LRRC3B: variants seen among roughly 807,000 people sequenced by gnomAD.
LRRC3B encodes leucine rich repeat containing 3B.
In LRRC3B, 2 loss-of-function variants were observed where a neutral mutation model predicts 12.8. The ratio of observed to expected loss-of-function variants is 0.16; its 90% CI spans 0.06 to 0.49. The LOEUF is 0.49. Ranked by LOEUF, LRRC3B falls within the 20% of genes least tolerant of loss-of-function variation. LRRC3B has a pLI of 0.96. For missense variants in LRRC3B, 189 were observed against 319.4 expected, an observed-to-expected ratio of 0.59 and a Z score of 3.11; for synonymous variants, 132 against 122.0, an observed-to-expected ratio of 1.08 and a Z score of -0.54.
At chr3:26,671,011 CTTTTTTTT>C (rs762788262) in intron 1 of LRRC3B, among the ~76,000 whole-genome samples, 2 of 95,556 alleles carry the variant, frequency 2.1e-5, no homozygotes, top group South Asian at 4.2e-4. Flanking sequence ...TCTCATGTAT[CTTTTTTTT>C]TTTTTTTTTT....
chr3:26,688,266 G>T (rs781764879), intron 1 of LRRC3B, among the ~76,000 whole-genome samples: 4 of 152,152 alleles, frequency 2.6e-5, no homozygotes, highest in Non-Finnish European at 2.9e-5. Flanking sequence ...ACAGAGAAGA[G>T]CAGGCACACA....
At chr3:26,652,733 A>G (rs1266805111) in intron 1 of LRRC3B, among the ~76,000 whole-genome samples, 1 of 152,200 alleles carries the variant, frequency 6.6e-6, no homozygotes, top group Non-Finnish European at 1.5e-5. Context: ...CAGATGTTTT[A>G]GAGATTTCAA....
chr3:26,656,319 T>G (rs1370422480), intron 1 of LRRC3B, among the ~76,000 whole-genome samples: 1 of 152,174 alleles, frequency 6.6e-6, no homozygotes, highest in Non-Finnish European at 1.5e-5. Flanking sequence ...ATTTCTTGAT[T>G]ACATGATTGT....
intron 1 of LRRC3B, among the ~76,000 whole-genome samples, chr3:26,673,074 TGAAATAAATCTTAG>T (rs2125434204): frequency 6.6e-6 from 1 of 152,308 alleles, no homozygotes; most frequent in South Asian, 2.1e-4. Context: ...TGTTGCCACA[TGAAATAAATCTTAG>T]AAGTTACTCT....
chr3:26,696,629 C>CTTTG (rs1291132906), intron 1 of LRRC3B, among the ~76,000 whole-genome samples: 1 of 152,154 alleles, frequency 6.6e-6, no homozygotes, highest in Admixed American at 6.5e-5. Flanking sequence ...TTAGACTTGT[C>CTTTG]TTTGTTTGTA....
intron 1 of LRRC3B, among the ~76,000 whole-genome samples, chr3:26,649,425 A>G (rs529002008): frequency 6.6e-6 from 1 of 152,132 alleles, no homozygotes; most frequent in African/African-American, 2.4e-5. Context: ...GAAATACTTT[A>G]TCAAGGAAGC....
At chr3:26,692,973 A>G (rs567752481) in intron 1 of LRRC3B, among the ~76,000 whole-genome samples, 1 of 152,238 alleles carries the variant, frequency 6.6e-6, no homozygotes, top group African/African-American at 2.4e-5. Context: ...TCTCCTTTAT[A>G]TGGTTTCTTA....
intron 1 of LRRC3B, among the ~76,000 whole-genome samples, chr3:26,667,119 GA>G (rs368094321): frequency 0.028 from 2,849 of 101,446 alleles, 85 homozygotes; most frequent in African/African-American, 0.071. Context: ...TCACTTTCAA[GA>G]AAAAAAAAAA....
chr3:26,710,210 C>T, exon 2 of LRRC3B: 1 of 1,613,772 alleles, frequency 6.2e-7, no homozygotes. Flanking sequence ...GTTGGATGAA[C>T]ATGCTGGCAG....
chr3:26,685,283 C>T (rs568626398), intron 1 of LRRC3B, among the ~76,000 whole-genome samples: 8 of 151,704 alleles, frequency 5.3e-5, no homozygotes, highest in African/African-American at 7.2e-5. Flanking sequence ...TGTTTTTTGG[C>T]GGGTTTCATG....
chr3:26,650,872 A>C (rs1699251085), intron 1 of LRRC3B, among the ~76,000 whole-genome samples: 1 of 152,186 alleles, frequency 6.6e-6, no homozygotes, highest in Non-Finnish European at 1.5e-5. Context: ...CGTCAGGCAT[A>C]GCTCATGTCT....
intron 1 of LRRC3B, among the ~76,000 whole-genome samples, chr3:26,629,216 C>T: frequency 6.7e-6 from 1 of 150,120 alleles, no homozygotes; most frequent in African/African-American, 2.5e-5. Flanking sequence ...CCTTCCTTCC[C>T]TCCCTCACTC....
chr3:26,622,953 C>G (rs1422667093), exon 1 of LRRC3B: 1 of 151,686 alleles, frequency 6.6e-6, no homozygotes, highest in Non-Finnish European at 1.5e-5. Flanking sequence ...CGCACGGCCG[C>G]CCGGGGCCGC....
At chr3:26,688,199 C>T (rs1368434696) in intron 1 of LRRC3B, among the ~76,000 whole-genome samples, 1 of 152,180 alleles carries the variant, frequency 6.6e-6, no homozygotes, top group East Asian at 1.9e-4. Flanking sequence ...ATCCACAGCT[C>T]TTTCTAAATA....
intron 1 of LRRC3B, among the ~76,000 whole-genome samples, chr3:26,689,328 G>A (rs897996593): frequency 6.6e-6 from 1 of 152,042 alleles, no homozygotes; most frequent in Non-Finnish European, 1.5e-5. Flanking sequence ...AAACTTGTAG[G>A]CCAGGCTAGC....
chr3:26,694,218 T>C (rs1332569000), intron 1 of LRRC3B, among the ~76,000 whole-genome samples: 2 of 152,202 alleles, frequency 1.3e-5, no homozygotes, highest in Admixed American at 6.5e-5. Flanking sequence ...TCTGAATGTA[T>C]TAATTTATCA....
chr3:26,689,025 G>A (rs557628001), intron 1 of LRRC3B, among the ~76,000 whole-genome samples: 1 of 152,284 alleles, frequency 6.6e-6, no homozygotes, highest in African/African-American at 2.4e-5. Context: ...ATAATAGGAT[G>A]AGTGCCACTT....
At chr3:26,659,950 T>G (rs1252711695) in intron 1 of LRRC3B, among the ~76,000 whole-genome samples, 1 of 152,226 alleles carries the variant, frequency 6.6e-6, no homozygotes, top group Non-Finnish European at 1.5e-5. Flanking sequence ...TGCTCTCAGA[T>G]GTAGCCCATA....
intron 1 of LRRC3B, among the ~76,000 whole-genome samples, chr3:26,633,647 A>G (rs1453529841): frequency 6.6e-6 from 1 of 152,210 alleles, no homozygotes; most frequent in Non-Finnish European, 1.5e-5. Context: ...GAAGATGATT[A>G]CATATACCCA....
Sources: allele counts gnomAD v4.1 joint callset (sites outside exome capture counted in the v4.1 genomes callset), GRCh38; gene constraint gnomAD v4.1.1; transcripts MANE v1.5; gene names NCBI Gene and HGNC (gene_info 2026-07-23, HGNC 2026-07-21).